ERC1: variants seen among roughly 807,000 people sequenced by gnomAD.
ERC1 encodes the protein RAB6 interacting protein 2.
In ERC1, 56 loss-of-function variants were observed where a neutral mutation model predicts 132.0. The ratio of observed to expected loss-of-function variants is 0.42; its 90% confidence interval spans 0.34 to 0.53. The LOEUF (loss-of-function observed/expected upper bound fraction) is 0.53. ERC1 is among the 20% of genes least tolerant of loss of function. The pLI, the probability that ERC1 is intolerant of heterozygous loss-of-function variation, is 0.03. For missense variants in ERC1, 1,202 were observed against 1,349.9 expected (o/e 0.89, Z 1.72); for synonymous variants, 478 against 476.1 (o/e 1.00, Z -0.05).
chr12:1,130,450 A>G (rs1948647638), intron 7 of ERC1, among the ~76,000 whole-genome samples: 1 of 152,214 alleles, frequency 6.6e-6, no homozygotes, highest in Non-Finnish European at 1.5e-5. Flanking sequence ...GCTGACTGCC[A>G]TGCTTTATCA....
chr12:1,153,952 A>G lies in ERC1; in HGVS notation c.1737+12165A>G, dbSNP rs368921919. Among the ~76,000 whole-genome samples, 177 of 152,224 alleles carry G rather than the reference A, an allele frequency of 1.2e-3. No individual in the cohort carries two copies. In the South Asian group the frequency reaches 0.013, roughly 12 times the overall value. On this transcript the variant is annotated intron_variant, in intron 8 of 18. Transcript: ENST00000360905. ...TCCCAAGTGTACCTGAATAATGTAC[A>G]TTGTATTCAATAGGTAATTTTTCAT...
At chr12:1,316,024 G>A (rs2154352032) in intron 15 of ERC1, among the ~76,000 whole-genome samples, 1 of 152,152 alleles carries the variant, frequency 6.6e-6, no homozygotes, top group South Asian at 2.1e-4. Context: ...CAGCAGCTGG[G>A]ACTACAGGTG....
intron 14 of ERC1, among the ~76,000 whole-genome samples, chr12:1,289,207 A>G (rs1419709751): frequency 2.0e-5 from 3 of 147,860 alleles, no homozygotes; most frequent in African/African-American, 7.4e-5. Context: ...ATATATATAT[A>G]CACTGCCTAT....
chr12:1,028,100 A>C lies in ERC1; in HGVS notation c.197A>C (p.Tyr66Ser), dbSNP rs1391458820. 9.9e-6 allele frequency: 16 copies of C among 1,614,078 alleles called. No homozygotes were observed. Among genetic ancestry groups the C allele is most frequent in the Non-Finnish European group, 1.3e-5 (15 of 1,180,050 alleles). The change falls in exon 2 of 19, where the codon TAT (tyrosine) becomes TCT (serine). Residue 66 changes from tyrosine (Y) to serine (S), a missense_variant. By Grantham distance (144) the Tyr-to-Ser change is moderately radical (BLOSUM62 -2). Transcript: ENST00000360905. ...AATATACAATCTTTAAATGCTGCCT[A>C]TGCCACCTCTGGCCCTATGTATCTA... ...MENIQSLNAA[Y>S]ATSGPMYLSD...
rs1347997614 is a variant in ERC1 at position 1,393,605 on chromosome 12, CACGTGTGTGTGT to C, written c.2926-14543_2926-14532del. ...TTTTTTTTTTCCTTTAGAGAGAACA[CACGTGTGTGTGT>C]GTGTGTGTGTGTGTGTGTGTGTGTG... is the stretch of plus-strand genomic sequence containing the variant. On this transcript the variant is annotated intron_variant, in intron 16 of 18. Transcript: ENST00000360905. Among the ~76,000 whole-genome samples, 111 of 85,630 alleles carry C rather than the reference CACGTGTGTGTGT, an allele frequency of 1.3e-3. 1 individual carries two copies. The highest frequency in any genetic ancestry group is 4.9e-3 in the African/African-American group (98 of 19,840). The allele number at this position is 85,630 out of a possible 152,430, so 56.2% of individuals were successfully genotyped here. A position where few individuals can be genotyped will look rare whatever the true frequency, so the allele number is the denominator to read the frequency against.
At chr12:1,105,715 A>C (rs1325077464) in intron 4 of ERC1, among the ~76,000 whole-genome samples, 1 of 152,214 alleles carries the variant, frequency 6.6e-6, no homozygotes, top group African/African-American at 2.4e-5. Context: ...TAAATGAAGT[A>C]GTCTTTTAAA....
At chr12:1,488,642 G>A (rs575444212) in intron 18 of ERC1, among the ~76,000 whole-genome samples, 13 of 152,334 alleles carry the variant, frequency 8.5e-5, no homozygotes, top group African/African-American at 3.1e-4. Context: ...AACTGACCTT[G>A]AAACCCAGGC....
At chr12:1,127,280 T>C (rs752828849) in intron 7 of ERC1, among the ~76,000 whole-genome samples, 20 of 152,200 alleles carry the variant, frequency 1.3e-4, no homozygotes, top group Non-Finnish European at 2.8e-4. Flanking sequence ...TCCCATTCCT[T>C]GGTATATTTC....
intron 1 of ERC1, among the ~76,000 whole-genome samples, chr12:1,021,589 C>A (rs1966384334): frequency 6.6e-6 from 1 of 151,798 alleles, no homozygotes. Context: ...GTCCCAGCTA[C>A]TCGGGAGGCT....
chr12:1,321,605 T>G (rs61913081), intron 15 of ERC1, among the ~76,000 whole-genome samples: 1 of 152,176 alleles, frequency 6.6e-6, no homozygotes, highest in Non-Finnish European at 1.5e-5. Context: ...AATGTTCTCT[T>G]TGGGCACTTC....
At chr12:1,366,803 T>C (rs749870575) in intron 15 of ERC1, among the ~76,000 whole-genome samples, 10 of 152,278 alleles carry the variant, frequency 6.6e-5, no homozygotes, top group Non-Finnish European at 1.3e-4. Context: ...AGGAATATGA[T>C]GGCTCTATTA....
At chr12:1,065,737 A>G (rs921176428) in intron 2 of ERC1, among the ~76,000 whole-genome samples, 1 of 151,882 alleles carries the variant, frequency 6.6e-6, no homozygotes, top group African/African-American at 2.4e-5. Flanking sequence ...AATTTTATGG[A>G]GCAGCTTTTG....
Position 1,027,894 on chromosome 12 carries a change from C to T in ERC1, c.-10C>T. On this transcript the variant is annotated 5_prime_UTR_variant, in exon 2 of 19. Transcript: ENST00000360905. ...GATTTTCTGCTCACACCTTTCCTGA[C>T]CTTGCAACCATGTATGGAAGTGCCC... 1 of 1,588,084 alleles carries T rather than the reference C, an allele frequency of 6.3e-7. No individual in the cohort carries two copies. The highest frequency in any genetic ancestry group is 8.6e-7 in the Non-Finnish European group (1 of 1,164,634).
chr12:1,105,420 T>G (rs1031121218), intron 4 of ERC1, among the ~76,000 whole-genome samples: 5 of 152,098 alleles, frequency 3.3e-5, no homozygotes, highest in African/African-American at 4.8e-5. Context: ...TGCAGTGGCG[T>G]GATCTTGGCT....
intron 16 of ERC1, among the ~76,000 whole-genome samples, chr12:1,374,291 A>C (rs1303918417): frequency 6.6e-6 from 1 of 152,110 alleles, no homozygotes; most frequent in Admixed American, 6.5e-5. Flanking sequence ...TGTGATTCCT[A>C]TTGTCAGAAA....
intron 14 of ERC1, among the ~76,000 whole-genome samples, chr12:1,271,953 G>C (rs953140551): frequency 1.2e-4 from 19 of 152,338 alleles, no homozygotes; most frequent in African/African-American, 4.3e-4. Flanking sequence ...AGAGGCAGAA[G>C]TGATAGGTTA....
chr12:1,163,614 G>A (rs1287740729), intron 8 of ERC1, among the ~76,000 whole-genome samples: 1 of 152,226 alleles, frequency 6.6e-6, no homozygotes, highest in East Asian at 1.9e-4. Flanking sequence ...TCACCTGGAA[G>A]TGTCTATGAT....
intron 12 of ERC1, among the ~76,000 whole-genome samples, chr12:1,196,231 T>G (rs1956214568): frequency 1.3e-5 from 2 of 152,156 alleles, no homozygotes; most frequent in Admixed American, 1.3e-4. Flanking sequence ...GTCCTCTTTA[T>G]TCTCCTTTGT....
intron 8 of ERC1, among the ~76,000 whole-genome samples, chr12:1,144,635 C>CGTATATATATATATATATATAT (rs1566075478): frequency 3.7e-5 from 5 of 136,492 alleles, no homozygotes; most frequent in African/African-American, 1.3e-4. Context: ...TATATATATA[C>CGTATATATATATATATATATAT]GTGTATATAT....
Sources: gnomAD v4.1 joint callset for allele counts (sites outside exome capture counted in the v4.1 genomes callset) on GRCh38, gnomAD v4.1.1 for gene constraint, MANE v1.5 for transcripts, NCBI Gene and HGNC (gene_info 2026-07-23, HGNC 2026-07-21) for gene names.